The following SLC37A1 variants were observed in gnomAD, a reference collection of about 807,000 sequenced individuals.
SLC37A1 encodes solute carrier family 37 member 1.
Under a neutral mutation model 75.3 loss-of-function variants are expected in SLC37A1, and 49 were observed. The observed-to-expected ratio is 0.65, with a 90% CI of 0.52 to 0.83. The LOEUF is 0.83. Among genes scored for constraint, SLC37A1 ranks in the 40% least tolerant of loss-of-function variants. The pLI is 0.00. For synonymous variants in SLC37A1, 268 were observed against 292.1 expected, an observed-to-expected ratio of 0.92 and a Z score of 0.84; for missense variants, 566 against 695.0, an observed-to-expected ratio of 0.81 and a Z score of 2.09.
rs1416179040 is a variant in SLC37A1, at chr21:42,539,652, G to T, written c.486+5G>T. 1.2e-6 allele frequency: 2 copies of T among 1,612,244 alleles called. No homozygotes were observed. Among genetic ancestry groups the T allele is most frequent in the Admixed American group, 3.4e-5 (2 of 59,654 alleles). On this transcript the variant is annotated splice_donor_5th_base_variant and intron_variant, in intron 6 of 19. Transcript: ENST00000352133. ...GGATTCTACGTGGTAACTCAGGTAA[G>T]GGTTTGGATCCGTGGCTCACCATGT... is the stretch of plus-strand genomic sequence containing the variant.
At chr21:42,574,479 CTTT>C (rs1295432770) in intron 17 of SLC37A1, among the ~76,000 whole-genome samples, 1 of 152,100 alleles carries the variant, frequency 6.6e-6, no homozygotes, top group Non-Finnish European at 1.5e-5. Flanking sequence ...GTGGTTATGT[CTTT>C]TTATTTTTTC....
In SLC37A1 at chr21:42,570,229, C is replaced by T. The variant is rs561187621; in HGVS notation, c.1423+1791C>T. ...GAAGCGGCAGGCAGGGTGGCCGTTG[C>T]CATGTCATGTGACACACGGCCTGGT... On this transcript the variant is annotated intron_variant, in intron 17 of 19. Coordinates refer to ENST00000352133, the MANE Select transcript of SLC37A1 (RefSeq NM_001320537.2). 5.6e-4 allele frequency among the ~76,000 whole-genome samples: 50 copies of T among 88,506 alleles called. 2 individuals are homozygous for T. The highest frequency in any genetic ancestry group is 9.0e-4 in the African/African-American group (23 of 25,480). 58.1% of individuals were successfully genotyped at this position (88,506 alleles called of 152,430 possible).
At position 42,564,742 on chromosome 21, in the gene SLC37A1, G is replaced by A. The variant is rs369786221; in HGVS notation, c.1170G>A (p.Leu390=). The A allele has an allele frequency of 5.2e-5, 84 of 1,610,332 alleles. No individual in the cohort carries two copies. The highest frequency in any genetic ancestry group is 9.3e-5 in the African/African-American group (7 of 74,950). The change falls in exon 14 of 20, where the codon CTG becomes CTA. Residue 390 remains leucine, a synonymous_variant. Coordinates refer to ENST00000352133, the MANE Select transcript of SLC37A1 (RefSeq NM_001320537.2). The part of the protein sequence containing the change: ...GILAGVISDR[L]EKRASTCGLM... ...TGGCAGGTGTGATCTCAGACCGACT[G>A]GAGAAAAGGGCCTCCACCTGCGGCC... is the stretch of plus-strand genomic sequence containing the variant.
chr21:42,527,840 G>A (rs2054839647), intron 3 of SLC37A1, among the ~76,000 whole-genome samples: 1 of 152,182 alleles, frequency 6.6e-6, no homozygotes, highest in Non-Finnish European at 1.5e-5. Context: ...AATCCTGTGG[G>A]TTTCTTTACC....
Position 42,548,173 on chromosome 21 carries a change from G to A in SLC37A1, c.768+1033G>A, listed in dbSNP as rs113526521. On this transcript the variant is annotated intron_variant, in intron 9 of 19. Coordinates refer to ENST00000352133, the MANE Select transcript of SLC37A1 (RefSeq NM_001320537.2). This position sits in a 1 kb window ranked among gnomAD's most constrained non-coding sequence, Gnocchi z 5.6. ...CGGCCTCCTCTCTCCTTGTCTGCCC[G>A]CTCACTGCAGGAGAGCGCGCTCGGG... 5.8e-3 allele frequency among the ~76,000 whole-genome samples: 881 copies of A among 152,234 alleles called. 3 individuals carry two copies. The highest frequency in any genetic ancestry group is 0.01 in the Admixed American group (155 of 15,304).
intron 14 of SLC37A1, among the ~76,000 whole-genome samples, chr21:42,565,268 T>G (rs992430049): frequency 1.3e-5 from 2 of 152,244 alleles, no homozygotes; most frequent in Non-Finnish European, 2.9e-5. Context: ...TTAGAAACAA[T>G]GCACATGGTT....
chr21:42,501,450 C>T (rs911239747), intron 1 of SLC37A1, among the ~76,000 whole-genome samples: 1 of 152,232 alleles, frequency 6.6e-6, no homozygotes, highest in African/African-American at 2.4e-5. Flanking sequence ...GTGGCTCACG[C>T]CTGTAATCCC....
chr21:42,557,203 G>C (rs79267265), intron 10 of SLC37A1, among the ~76,000 whole-genome samples: 2 of 152,092 alleles, frequency 1.3e-5, no homozygotes, highest in Non-Finnish European at 2.9e-5. Flanking sequence ...ACCCACTGCT[G>C]AGCCTGTTTC....
intron 3 of SLC37A1, among the ~76,000 whole-genome samples, chr21:42,529,668 A>C (rs577168738): frequency 3.5e-4 from 54 of 152,328 alleles, no homozygotes; most frequent in African/African-American, 1.2e-3. Context: ...TAGGAAACCC[A>C]AAGAAACAAC....
At chr21:42,521,767 C>T (rs918689137) in intron 2 of SLC37A1, among the ~76,000 whole-genome samples, 8 of 146,896 alleles carry the variant, frequency 5.4e-5, no homozygotes, top group Admixed American at 1.3e-4. Flanking sequence ...TAGATTAGAT[C>T]ATTTATTTTT....
At chr21:42,536,743 T>C (rs1569003889) in intron 5 of SLC37A1, among the ~76,000 whole-genome samples, 1 of 152,154 alleles carries the variant, frequency 6.6e-6, no homozygotes, top group Non-Finnish European at 1.5e-5. Context: ...CGTTGCTTTA[T>C]AGCAACCAGC....
intron 1 of SLC37A1, among the ~76,000 whole-genome samples, chr21:42,516,175 T>G (rs1568981094): frequency 1.3e-5 from 2 of 152,248 alleles, no homozygotes; most frequent in East Asian, 3.8e-4. Flanking sequence ...TATCTCTTCT[T>G]TTTATGTACT....
At position 42,539,573 on chromosome 21, in the gene SLC37A1, G is replaced by A. The variant is rs1000566621; in HGVS notation, c.412G>A (p.Gly138Arg). The A allele has an allele frequency of 1.9e-5, 31 of 1,613,818 alleles. No individual in the cohort carries two copies. The highest frequency in any genetic ancestry group is 2.4e-5 in the Non-Finnish European group (28 of 1,179,932). ...CCTAACTTTCGGGATGCTCGCCAGC[G>A]GAGCCTTCACCGCCCTGTTCGGCTT... The part of the protein sequence containing the change: ...YYLTFGMLAS[G>R]AFTALFGLGY... The change falls in exon 6 of 20, where the codon GGA becomes AGA. Residue 138 changes from glycine (G) to arginine (R), a missense_variant. By Grantham distance (125) the Gly-to-Arg change is moderately radical. Coordinates refer to ENST00000352133, the MANE Select transcript of SLC37A1 (RefSeq NM_001320537.2).
chr21:42,501,581 G>A (rs937606603), intron 1 of SLC37A1, among the ~76,000 whole-genome samples: 4 of 152,116 alleles, frequency 2.6e-5, no homozygotes, highest in East Asian at 3.9e-4. Flanking sequence ...GCATGGTGGC[G>A]GGCGCCTGTA....
intron 3 of SLC37A1, among the ~76,000 whole-genome samples, chr21:42,529,502 C>T (rs1349736295): frequency 2.0e-5 from 3 of 151,976 alleles, no homozygotes; most frequent in South Asian, 2.1e-4. Flanking sequence ...TGCAGTGAGC[C>T]GAGACCACAC....
rs2055380307 is a variant in SLC37A1, at chr21:42,545,322, G to A, written c.730+1720G>A. ...TGTGTCTGAATGATGAGACCCAGCTGTGACAACAGTGGCTGGATGCTGAGT... is the reference window on the plus strand; with the variant it reads ...TGTGTCTGAATGATGAGACCCAGCTATGACAACAGTGGCTGGATGCTGAGT... On this transcript the variant is annotated intron_variant, in intron 8 of 19. Transcript: ENST00000352133. This position sits in a 1 kb window ranked among gnomAD's most constrained non-coding sequence, Gnocchi z 4.0. Among the ~76,000 whole-genome samples, 1 of 152,210 alleles carries A rather than the reference G, an allele frequency of 6.6e-6. No individual in the cohort carries two copies. The highest frequency in any genetic ancestry group is 2.1e-4 in the South Asian group (1 of 4,822).
At chr21:42,542,582 C>A in intron 7 of SLC37A1, 102 bp downstream of exon 7, 1 of 1,133,188 alleles carries the variant, frequency 8.8e-7, no homozygotes, top group East Asian at 2.6e-5. Flanking sequence ...TTAGTATCCT[C>A]TTTAAAATAA....
intron 12 of SLC37A1, 45 bp from the exon 13 acceptor site, chr21:42,563,769 GT>G: frequency 1.3e-6 from 2 of 1,592,668 alleles, no homozygotes; most frequent in Non-Finnish European, 1.7e-6. Context: ...GCTGCGATGC[GT>G]GAAGGAGATC....
At chr21:42,546,569 A>G (rs556502657) in intron 8 of SLC37A1, among the ~76,000 whole-genome samples, 1 of 152,124 alleles carries the variant, frequency 6.6e-6, no homozygotes, top group Non-Finnish European at 1.5e-5. Flanking sequence ...AGTATTTTCC[A>G]TATTTAAAGT....
Sources: allele counts gnomAD v4.1 joint callset (sites outside exome capture counted in the v4.1 genomes callset), GRCh38; gene constraint gnomAD v4.1.1; non-coding constraint Gnocchi (gnomAD v3.1); transcripts MANE v1.5; gene names NCBI Gene and HGNC (gene_info 2026-07-23, HGNC 2026-07-21).